Variants in CDS2 observed in about 807,000 individuals in gnomAD.
CDS2 encodes phosphatidate cytidylyltransferase 2.
Under a neutral mutation model 59.0 loss-of-function variants are expected in CDS2, and 47 were observed. The ratio of observed to expected loss-of-function variants is 0.80; its 90% CI spans 0.63 to 1.02. CDS2 has a LOEUF of 1.02. Among genes scored for constraint, CDS2 ranks in the 50% least tolerant of loss-of-function variants. CDS2 has a pLI of 0.00. For missense variants in CDS2, 356 were observed against 558.9 expected (o/e 0.64, Z 3.66); for synonymous variants, 207 against 206.4 (o/e 1.00, Z -0.02).
rs1404722873 is a variant in CDS2, at chr20:5,175,177, A to G, written c.195-6A>G. On this transcript the variant is annotated splice_region_variant and splice_polypyrimidine_tract_variant and intron_variant, in intron 2 of 12. Coordinates refer to ENST00000460006, the MANE Select transcript of CDS2 (RefSeq NM_003818.4). ...TGTTTTCTCCTTCCCCTGCTCTCTG[A>G]CCTAGATGGAAGAACTGGTGGGTGA... 3.1e-6 allele frequency: 5 copies of G among 1,611,132 alleles called. No homozygotes were observed. The South Asian group carries it at 5.5e-5, about 18-fold the overall frequency.
At chr20:5,142,993 C>A (rs1289093849) in intron 1 of CDS2, among the ~76,000 whole-genome samples, 4 of 152,130 alleles carry the variant, frequency 2.6e-5, no homozygotes, top group Non-Finnish European at 5.9e-5. Flanking sequence ...CAGGCAAACA[C>A]CACCATGTCT....
intron 1 of CDS2, among the ~76,000 whole-genome samples, chr20:5,165,715 T>TC (rs1436599136): frequency 6.6e-6 from 1 of 151,920 alleles, no homozygotes; most frequent in Non-Finnish European, 1.5e-5. Context: ...TGGGGAGCAC[T>TC]CCTAAGGAAG....
chr20:5,190,337 C>A lies in CDS2; in HGVS notation c.*103C>A. The A allele has an allele frequency of 1.8e-5, 18 of 973,338 alleles. No homozygotes were observed. The highest frequency in any genetic ancestry group is 2.4e-5 in the Non-Finnish European group (17 of 695,382). 60.3% of individuals were successfully genotyped at this position (973,338 alleles called of 1,614,324 possible). On this transcript the variant is annotated 3_prime_UTR_variant, in exon 13 of 13. Coordinates refer to ENST00000460006, the MANE Select transcript of CDS2 (RefSeq NM_003818.4). ...TAGACAATGACGAGGCTTCAACTCA[C>A]TGTCTTTTTTTTTTTTTTTTGGAGG... is the stretch of plus-strand genomic sequence containing the variant.
chr20:5,196,559 A>G lies in CDS2; in HGVS notation c.*6325A>G, dbSNP rs1205910507. ...ACTGTGTTTGCCGATAATCATCCAC[A>G]TAGCCACCTCTGTCCTCGCAGTTTG... is the stretch of plus-strand genomic sequence containing the variant. On this transcript the variant is annotated 3_prime_UTR_variant, in exon 13 of 13. Transcript: ENST00000460006. The G allele has an allele frequency of 2.0e-5, 3 of 152,190 alleles. No homozygotes were observed. The highest frequency in any genetic ancestry group is 1.9e-4 in the East Asian group (1 of 5,192). The allele number at this position is 152,190 out of a possible 1,614,324, so 9.4% of individuals were successfully genotyped here. A position where few individuals can be genotyped will look rare whatever the true frequency, so the allele number is the denominator to read the frequency against.
chr20:5,186,902 C>A, intron 10 of CDS2, 63 bp downstream of exon 10: 1 of 1,561,092 alleles, frequency 6.4e-7, no homozygotes, highest in South Asian at 1.1e-5. Context: ...AGAGATCCCC[C>A]TCCATCACCT....
At chr20:5,141,658 T>C (rs2090695181) in intron 1 of CDS2, among the ~76,000 whole-genome samples, 1 of 152,148 alleles carries the variant, frequency 6.6e-6, no homozygotes, top group Admixed American at 6.5e-5. Context: ...AGCTTGAAAC[T>C]GGTAGATCAG....
chr20:5,161,843 T>C (rs1389012947), intron 1 of CDS2, among the ~76,000 whole-genome samples: 1 of 152,220 alleles, frequency 6.6e-6, no homozygotes, highest in African/African-American at 2.4e-5. Context: ...TTAACCACTC[T>C]ATTGGACGTA....
chr20:5,189,280 T>G, intron 11 of CDS2, 94 bp downstream of exon 11: 1 of 1,411,794 alleles, frequency 7.1e-7, no homozygotes, highest in Non-Finnish European at 1.0e-6. Flanking sequence ...TACTAGGCTG[T>G]ACACCCTGGC....
rs2091128875 is a variant in CDS2 at position 5,192,955 on chromosome 20, G to C, written c.*2721G>C. The C allele has an allele frequency of 6.6e-6, 1 of 152,240 alleles. No individual in the cohort carries two copies. The highest frequency in any genetic ancestry group is 6.5e-5 in the Admixed American group (1 of 15,282). The allele number at this position is 152,240 out of a possible 1,614,324, so 9.4% of individuals were successfully genotyped here. On this transcript the variant is annotated 3_prime_UTR_variant, in exon 13 of 13. Transcript: ENST00000460006. ...GGGTCCCCCAGCCCTGCTTGCTTTT[G>C]TGAACGTCGTGTGAGTACACCGAGG...
intron 1 of CDS2, among the ~76,000 whole-genome samples, chr20:5,169,419 G>A (rs1003377812): frequency 2.0e-5 from 3 of 152,212 alleles, no homozygotes; most frequent in African/African-American, 7.2e-5. Flanking sequence ...CAGGAAAGTG[G>A]GTACTATCAT....
chr20:5,145,849 A>C (rs6085012), intron 1 of CDS2, among the ~76,000 whole-genome samples: 4,876 of 133,404 alleles, frequency 0.037, 121 homozygotes, highest in Non-Finnish European at 0.054. Flanking sequence ...TTTGAGACAA[A>C]GTCTCGCTCT....
Position 5,158,584 on chromosome 20 carries a change from A to G in CDS2, c.58-14939A>G, listed in dbSNP as rs916783744. On this transcript the variant is annotated intron_variant, in intron 1 of 12. Coordinates refer to ENST00000460006, the MANE Select transcript of CDS2 (RefSeq NM_003818.4). ...TCTGGTCTCCAGGTTGTCAAATGAC[A>G]TATTTTCAGGATATAAGACTATAAG... 3.3e-5 allele frequency among the ~76,000 whole-genome samples: 5 copies of G among 152,238 alleles called. No individual in the cohort carries two copies. In the South Asian group the frequency reaches 8.3e-4, roughly 25 times the overall value.
intron 1 of CDS2, among the ~76,000 whole-genome samples, chr20:5,129,443 A>ATTT (rs928515205): frequency 4.4e-4 from 54 of 122,110 alleles, no homozygotes; most frequent in Non-Finnish European, 8.9e-4. Flanking sequence ...CGCTCGGCTA[A>ATTT]TTTTTTTTTT....
intron 1 of CDS2, among the ~76,000 whole-genome samples, chr20:5,144,859 C>T (rs1247449651): frequency 5.9e-5 from 9 of 152,088 alleles, no homozygotes; most frequent in Non-Finnish European, 1.3e-4. Flanking sequence ...CTCTGGCTTG[C>T]AGAACATAAC....
At chr20:5,164,399 T>C (rs2090898788) in intron 1 of CDS2, among the ~76,000 whole-genome samples, 1 of 152,102 alleles carries the variant, frequency 6.6e-6, no homozygotes, top group Non-Finnish European at 1.5e-5. Context: ...GAAAACACTA[T>C]TGTGAGGTGA....
intron 1 of CDS2, among the ~76,000 whole-genome samples, chr20:5,173,309 CCT>C (rs967674510): frequency 5.3e-5 from 8 of 152,240 alleles, no homozygotes; most frequent in African/African-American, 1.9e-4. Flanking sequence ...CAGATGCACA[CCT>C]CTCTTCCAGC....
chr20:5,186,786 T>A lies in CDS2; in HGVS notation c.928T>A (p.Phe310Ile). 1.9e-6 allele frequency: 3 copies of A among 1,614,140 alleles called. No homozygotes were observed. The highest frequency in any genetic ancestry group is 2.5e-6 in the Non-Finnish European group (3 of 1,180,020). Residue 310 changes from phenylalanine to isoleucine, a missense_variant, in exon 10 of 13, where the codon TTT (phenylalanine) becomes ATT (isoleucine). By Grantham distance (21) the Phe-to-Ile change is conservative (BLOSUM62 0). Transcript: ENST00000460006. Reference protein sequence around the residue: ...FTVDCEPSDLFRLQEYNIPGV... With the variant: ...FTVDCEPSDLIRLQEYNIPGV... ...TGTGGACTGTGAGCCCTCGGACCTG[T>A]TTCGCCTGCAGGAGTACAACATTCC...
intron 1 of CDS2, among the ~76,000 whole-genome samples, chr20:5,151,597 A>C (rs1482763739): frequency 1.4e-5 from 2 of 142,788 alleles, no homozygotes; most frequent in Non-Finnish European, 3.0e-5. Flanking sequence ...CCATCTCTTA[A>C]AAAAAAAATA....
At position 5,189,197 on chromosome 20, in the gene CDS2, C is replaced by A. The variant is rs774497376; in HGVS notation, c.1101+11C>A. 1 of 1,613,864 alleles carries A rather than the reference C, an allele frequency of 6.2e-7. No homozygotes were observed. Among genetic ancestry groups the A allele is most frequent in the Admixed American group, 1.7e-5 (1 of 60,002 alleles). On this transcript the variant is annotated intron_variant, in intron 11 of 12. Transcript: ENST00000460006. ...GCCTTTAAAATCAAAGTAGGAAAAC[C>A]GTCTTACGTTCCTCTCATCTCACTC...
Sources: allele counts gnomAD v4.1 joint callset (sites outside exome capture counted in the v4.1 genomes callset), GRCh38; gene constraint gnomAD v4.1.1; transcripts MANE v1.5; gene names NCBI Gene and HGNC (gene_info 2026-07-23, HGNC 2026-07-21).